The following MACROD2 variants were observed in gnomAD, a reference collection of about 807,000 sequenced individuals.
MACROD2 encodes the protein ADP-ribose glycohydrolase MACROD2.
A neutral mutation model predicts 70.4 loss-of-function variants in MACROD2; 36 were observed. The observed-to-expected ratio is 0.51, with a 90% confidence interval of 0.39 to 0.68. The LOEUF (loss-of-function observed/expected upper bound fraction) is 0.68. MACROD2 is among the 30% of genes least tolerant of loss of function. The probability of loss-of-function intolerance (pLI) is 0.00; values close to 1 mark genes in which losing one functional copy is unlikely to be tolerated. For synonymous variants in MACROD2, 172 were observed against 178.8 expected (o/e 0.96, Z 0.30); for missense variants, 496 against 538.4 (o/e 0.92, Z 0.78).
At chr20:14,327,646 A>G in intron 3 of MACROD2, 1 of 948,452 alleles carries the variant, frequency 1.1e-6, no homozygotes. Context: ...AAACTAAAAT[A>G]TCCATAATCA....
chr20:14,741,861 T>A (rs371870745), intron 5 of MACROD2, among the ~76,000 whole-genome samples: 1 of 152,134 alleles, frequency 6.6e-6, no homozygotes, highest in East Asian at 1.9e-4. Context: ...AAAGCAGTTG[T>A]TTGAAAACTT....
intron 4 of MACROD2, among the ~76,000 whole-genome samples, chr20:14,537,858 C>T (rs1470250362): frequency 3.3e-5 from 5 of 152,252 alleles, no homozygotes; most frequent in African/African-American, 1.2e-4. Context: ...GACAGTCTTC[C>T]TCAGGATACA....
chr20:14,848,088 G>T (rs2073161751), intron 5 of MACROD2, among the ~76,000 whole-genome samples: 1 of 152,186 alleles, frequency 6.6e-6, no homozygotes, highest in Admixed American at 6.5e-5. Flanking sequence ...TACAAGAGAT[G>T]CAGCTAAGAC....
chr20:14,486,809 A>G (rs1474765854), intron 3 of MACROD2, among the ~76,000 whole-genome samples: 1 of 152,132 alleles, frequency 6.6e-6, no homozygotes, highest in East Asian at 1.9e-4. Flanking sequence ...ATGAGACACC[A>G]TGCCCAGCCC....
At chr20:15,502,992 A>T (rs1259759225) in intron 8 of MACROD2, among the ~76,000 whole-genome samples, 1 of 152,222 alleles carries the variant, frequency 6.6e-6, no homozygotes, top group Non-Finnish European at 1.5e-5. Flanking sequence ...ACTTTCACTC[A>T]CATTTCATTG....
intron 8 of MACROD2, among the ~76,000 whole-genome samples, chr20:15,744,622 A>C (rs752547916): frequency 1.3e-5 from 2 of 152,002 alleles, no homozygotes; most frequent in Non-Finnish European, 2.9e-5. Flanking sequence ...TAGCTGAAGA[A>C]AACTGAAGAA....
intron 5 of MACROD2, among the ~76,000 whole-genome samples, chr20:15,001,751 T>C (rs1224663066): frequency 6.6e-6 from 1 of 152,036 alleles, no homozygotes; most frequent in Non-Finnish European, 1.5e-5. Context: ...GAACTGGTGC[T>C]ATTTGGTTAC....
At chr20:14,741,285 C>G (rs780285301) in intron 5 of MACROD2, among the ~76,000 whole-genome samples, 3 of 152,164 alleles carry the variant, frequency 2.0e-5, no homozygotes, top group Non-Finnish European at 4.4e-5. Flanking sequence ...ATCATGTTCA[C>G]TTGCCTACAG....
chr20:15,325,961 AG>A (rs1358491462), intron 6 of MACROD2, among the ~76,000 whole-genome samples: 4 of 152,140 alleles, frequency 2.6e-5, no homozygotes, highest in Non-Finnish European at 5.9e-5. Flanking sequence ...CATCACCTTC[AG>A]GTCCAAACTG....
At chr20:15,182,680 T>G (rs148885363) in intron 5 of MACROD2, among the ~76,000 whole-genome samples, 89 of 152,314 alleles carry the variant, frequency 5.8e-4, no homozygotes, top group Non-Finnish European at 9.3e-4. Context: ...ACTTCCTGAT[T>G]TGCCGTGGAG....
chr20:15,613,322 G>A lies in MACROD2; in HGVS notation c.645+113475G>A, dbSNP rs577473688. Among the ~76,000 whole-genome samples the A allele has an allele frequency of 2.0e-5, 3 of 152,220 alleles. No individual in the cohort carries two copies. In the South Asian group the frequency reaches 6.2e-4, roughly 32 times the overall value. On this transcript the variant is annotated intron_variant, in intron 8 of 17. Transcript: ENST00000684519. Reference sequence around the variant, plus strand: ...TCTCTCCTGATTGGGGTCTTTATTGGCATGTGAGCATGGCAGCATTATATT... The same window carrying A: ...TCTCTCCTGATTGGGGTCTTTATTGACATGTGAGCATGGCAGCATTATATT...
intron 4 of MACROD2, among the ~76,000 whole-genome samples, chr20:14,596,398 T>C (rs981756202): frequency 1.5e-5 from 2 of 137,344 alleles, no homozygotes; most frequent in Non-Finnish European, 3.1e-5. Context: ...CCCATATATA[T>C]GTAATTTTTT....
chr20:14,621,754 T>A (rs1042549279), intron 4 of MACROD2: 1 of 152,298 alleles, frequency 6.6e-6, no homozygotes, highest in South Asian at 2.1e-4. Context: ...TTAATTTTTA[T>A]TTGTTTTGTA....
rs1337944946 is a variant in MACROD2 at position 14,649,114 on chromosome 20, C to T, written c.302-35729C>T. ...TGTCCTCCATACTTAGGGCTTCTAC[C>T]CCCCTGCCCAGTTTTGTTAAAGAAA... On this transcript the variant is annotated intron_variant, in intron 4 of 17. Transcript: ENST00000684519. 3.3e-5 allele frequency among the ~76,000 whole-genome samples: 5 copies of T among 152,132 alleles called. No individual in the cohort carries two copies. In the East Asian group the frequency reaches 9.6e-4, roughly 29 times the overall value.
At chr20:14,004,353 TG>T (rs771596503) in intron 2 of MACROD2, among the ~76,000 whole-genome samples, 33 of 152,220 alleles carry the variant, frequency 2.2e-4, no homozygotes, top group Non-Finnish European at 4.3e-4. Context: ...AACTGCTCTG[TG>T]TGTTTCTTAT....
intron 3 of MACROD2, among the ~76,000 whole-genome samples, chr20:14,452,031 A>G (rs2084251194): frequency 6.6e-6 from 1 of 152,076 alleles, no homozygotes; most frequent in African/African-American, 2.4e-5. Flanking sequence ...CTGCTGAGTC[A>G]TGTTGAAGTT....
At chr20:15,386,004 T>A (rs1049903677) in intron 6 of MACROD2, among the ~76,000 whole-genome samples, 2 of 152,192 alleles carry the variant, frequency 1.3e-5, no homozygotes, top group Non-Finnish European at 2.9e-5. Flanking sequence ...CTTGAGGGTC[T>A]GAAAAGCTGC....
At chr20:15,611,285 C>G (rs1317353646) in intron 8 of MACROD2, among the ~76,000 whole-genome samples, 1 of 152,022 alleles carries the variant, frequency 6.6e-6, no homozygotes, top group Non-Finnish European at 1.5e-5. Flanking sequence ...TTACCTGCCT[C>G]CCCCAAAAAA....
intron 4 of MACROD2, among the ~76,000 whole-genome samples, chr20:14,577,099 T>C (rs1980648914): frequency 6.6e-6 from 1 of 152,190 alleles, no homozygotes; most frequent in Non-Finnish European, 1.5e-5. Context: ...CTGCTTCATC[T>C]TAAAGGAGTG....
Sources: gnomAD v4.1 joint callset for allele counts (sites outside exome capture counted in the v4.1 genomes callset) on GRCh38, gnomAD v4.1.1 for gene constraint, MANE v1.5 for transcripts, NCBI Gene and HGNC (gene_info 2026-07-23, HGNC 2026-07-21) for gene names.